Variants in TRPS1 observed in about 807,000 individuals in gnomAD.
The protein encoded by TRPS1 is zinc finger transcription factor Trps1.
TRPS1 carries 6 observed loss-of-function variants against 101.2 expected under a neutral mutation model. The ratio of observed to expected loss-of-function variants is 0.06; its 90% CI spans 0.03 to 0.12. The LOEUF is 0.12. Among genes scored for constraint, TRPS1 ranks in the 10% least tolerant of loss-of-function variants. TRPS1 has a pLI of 1.00. For synonymous variants in TRPS1, 578 were observed against 589.8 expected (o/e 0.98, Z 0.29); for missense variants, 1,363 against 1,567.0 (o/e 0.87, Z 2.20).
chr8:115,471,446 C>A (rs538921998), intron 5 of TRPS1, among the ~76,000 whole-genome samples: 1 of 152,170 alleles, frequency 6.6e-6, no homozygotes, highest in Non-Finnish European at 1.5e-5. Context: ...TCAATTACCT[C>A]CCACTGGGTC....
At chr8:115,635,759 G>A (rs960628096) in intron 1 of TRPS1, among the ~76,000 whole-genome samples, 1 of 152,150 alleles carries the variant, frequency 6.6e-6, no homozygotes, top group Non-Finnish European at 1.5e-5. Flanking sequence ...AAGAGAGAAT[G>A]TGGCTTCTTA....
At chr8:115,514,586 T>C (rs954272221) in intron 5 of TRPS1, among the ~76,000 whole-genome samples, 4 of 151,632 alleles carry the variant, frequency 2.6e-5, no homozygotes, top group African/African-American at 7.3e-5. Context: ...TAATGAATTA[T>C]TTTAAAAATT....
At chr8:115,426,012 CT>C (rs1238536642) in intron 5 of TRPS1, among the ~76,000 whole-genome samples, 18 of 152,158 alleles carry the variant, frequency 1.2e-4, no homozygotes, top group South Asian at 2.1e-4. Context: ...TCTGCACTGT[CT>C]TTTTTTTCAT....
chr8:115,468,966 C>T (rs79963907), intron 5 of TRPS1, among the ~76,000 whole-genome samples: 1,766 of 151,772 alleles, frequency 0.012, 36 homozygotes, highest in African/African-American at 0.041. Context: ...ATAGATAAAC[C>T]CCTGTCTCTA....
intron 5 of TRPS1, among the ~76,000 whole-genome samples, chr8:115,442,550 C>CGTGCGTGT (rs34273681): frequency 4.8e-4 from 69 of 145,102 alleles, no homozygotes; most frequent in African/African-American, 1.6e-3. Context: ...AAGTATGGTG[C>CGTGCGTGT]GTGTGTGTGT....
At chr8:115,427,973 TC>T (rs1183405663) in intron 5 of TRPS1, among the ~76,000 whole-genome samples, 3 of 152,214 alleles carry the variant, frequency 2.0e-5, no homozygotes, top group Admixed American at 1.3e-4. Flanking sequence ...ACTTAGCCTC[TC>T]ATAGCGCCTG....
In TRPS1 at chr8:115,581,675, C is replaced by G. The variant is rs529039013; in HGVS notation, c.2700+5326G>C. 2.0e-5 allele frequency among the ~76,000 whole-genome samples: 3 copies of G among 152,174 alleles called. No homozygotes were observed. In the East Asian group the frequency reaches 5.8e-4, roughly 29 times the overall value. ...ATGGAATATGGAACGAATTTGACAA[C>G]TTTCTACTGTCAAAAATGGTATATA... On this transcript the variant is annotated intron_variant, in intron 5 of 6. Coordinates refer to ENST00000395715, the MANE Select transcript of TRPS1 (RefSeq NM_014112.5).
At chr8:115,487,917 G>A (rs372682060) in intron 5 of TRPS1, among the ~76,000 whole-genome samples, 1 of 152,184 alleles carries the variant, frequency 6.6e-6, no homozygotes, top group Non-Finnish European at 1.5e-5. Context: ...GTTTGAGAGG[G>A]TTGACTCCAA....
intron 5 of TRPS1, among the ~76,000 whole-genome samples, chr8:115,523,028 T>G (rs2130235790): frequency 6.6e-6 from 1 of 152,266 alleles, no homozygotes; most frequent in African/African-American, 2.4e-5. Context: ...GGCACTTTTA[T>G]CCTATTTGAA....
At chr8:115,536,324 T>A (rs946009282) in intron 5 of TRPS1, among the ~76,000 whole-genome samples, 1 of 151,796 alleles carries the variant, frequency 6.6e-6, no homozygotes. Flanking sequence ...ATTGAGATCA[T>A]CCTGGCTAAC....
intron 5 of TRPS1, among the ~76,000 whole-genome samples, chr8:115,481,815 T>C (rs947683955): frequency 3.9e-5 from 6 of 152,206 alleles, no homozygotes; most frequent in Admixed American, 2.6e-4. Flanking sequence ...TACCAAACTT[T>C]TGGCTTCAGC....
chr8:115,483,480 C>T (rs1814804723), intron 5 of TRPS1, among the ~76,000 whole-genome samples: 1 of 148,938 alleles, frequency 6.7e-6, no homozygotes, highest in Non-Finnish European at 1.5e-5. Flanking sequence ...CTTCAGTGAG[C>T]TGTAATCATG....
In TRPS1 at chr8:115,418,437, C is replaced by A; in HGVS notation, c.2716G>T (p.Gly906Cys). The A allele has an allele frequency of 6.2e-7, 1 of 1,614,078 alleles. No individual in the cohort carries two copies. Among genetic ancestry groups the A allele is most frequent in the Non-Finnish European group, 8.5e-7 (1 of 1,179,986 alleles). ...GTCAGGCAATTGGCACAAAAAACAC[C>A]GGAGCCTCTACGCCTCTGAAACAGG... ...QSLLRRRRGS[G>C]VFCANCLTTK... The change falls in exon 6 of 7, where the codon GGT becomes TGT. Residue 906 changes from glycine to cysteine, a missense_variant. By Grantham distance (159) the Gly-to-Cys change is radical (BLOSUM62 -3). This residue lies in a region of TRPS1 where 22 missense variants were observed against 37.9 expected (regional missense o/e 0.58). Transcript: ENST00000395715. The surrounding 1 kb of genome is among the most constrained non-coding windows in gnomAD (Gnocchi z 4.3).
At position 115,467,614 on chromosome 8, in the gene TRPS1, T is replaced by C. The variant is rs549454940; in HGVS notation, c.2701-49162A>G. On this transcript the variant is annotated intron_variant, in intron 5 of 6. Coordinates refer to ENST00000395715, the MANE Select transcript of TRPS1 (RefSeq NM_014112.5). ...TTTAAAAAGGGATAGGCTAGAAGGA[T>C]AGCACTGGAAATGACATTAACAGAC... 1.4e-4 allele frequency among the ~76,000 whole-genome samples: 22 copies of C among 152,174 alleles called. 1 individual carries two copies. Among genetic ancestry groups the C allele is most frequent in the African/African-American group, 4.8e-4 (20 of 41,534 alleles).
In TRPS1 at chr8:115,596,463, A is replaced by G. The variant is rs187477444; in HGVS notation, c.2096+7410T>C. Among the ~76,000 whole-genome samples, 5 of 151,984 alleles carry G rather than the reference A, an allele frequency of 3.3e-5. No homozygotes were observed. The East Asian group carries it at 9.7e-4, about 29-fold the overall frequency. On this transcript the variant is annotated intron_variant, in intron 4 of 6. Transcript: ENST00000395715. ...AACACACACATATTCATTTACATCTAAGTTCGCAAACAAATTAAAAACTGA... is the reference window on the plus strand; with the variant it reads ...AACACACACATATTCATTTACATCTGAGTTCGCAAACAAATTAAAAACTGA...
At position 115,411,271 on chromosome 8, in the gene TRPS1, T is replaced by C. The variant is rs1163449559; in HGVS notation, c.*2752A>G. ...TTTCCAATGCTAGTCGTTACTACTA[T>C]GTCTGTCTGAGAAAAAAAAAAAATT... is the stretch of plus-strand genomic sequence containing the variant. On this transcript the variant is annotated 3_prime_UTR_variant, in exon 7 of 7. Transcript: ENST00000395715. 3 of 152,280 alleles carry C rather than the reference T, an allele frequency of 2.0e-5. No individual in the cohort carries two copies. The highest frequency in any genetic ancestry group is 4.4e-5 in the Non-Finnish European group (3 of 67,898). The allele number at this position is 152,280 out of a possible 1,614,324, so 9.4% of individuals were successfully genotyped here.
At chr8:115,425,849 C>A (rs187688625) in intron 5 of TRPS1, among the ~76,000 whole-genome samples, 3 of 152,296 alleles carry the variant, frequency 2.0e-5, no homozygotes, top group Non-Finnish European at 2.9e-5. Flanking sequence ...AGGAGCAAAC[C>A]AAACACCCTG....
intron 1 of TRPS1, among the ~76,000 whole-genome samples, chr8:115,662,105 T>G (rs576538046): frequency 1.3e-5 from 2 of 151,986 alleles, no homozygotes; most frequent in South Asian, 2.1e-4. Flanking sequence ...AAAGAAGCCA[T>G]AAGCAAAAAA....
At chr8:115,515,590 A>C (rs1235348363) in intron 5 of TRPS1, among the ~76,000 whole-genome samples, 3 of 102 alleles carry the variant, frequency 0.029, no homozygotes, top group African/African-American at 0.094. Flanking sequence ...ACATTAAAAA[A>C]TTTTTGGTAA....
Sources: allele counts gnomAD v4.1 joint callset (sites outside exome capture counted in the v4.1 genomes callset), GRCh38; gene constraint gnomAD v4.1.1; regional missense constraint gnomAD v4.1.1; non-coding constraint Gnocchi (gnomAD v3.1); transcripts MANE v1.5; gene names NCBI Gene and HGNC (gene_info 2026-07-23, HGNC 2026-07-21).